The following ULK4 variants were observed in gnomAD, a reference collection of about 807,000 sequenced individuals.
The protein encoded by ULK4 is unc-51 like kinase 4.
ULK4 carries 133 observed loss-of-function variants against 160.6 expected under a neutral mutation model. The ratio of observed to expected loss-of-function variants is 0.83; its 90% CI spans 0.72 to 0.96. The LOEUF (loss-of-function observed/expected upper bound fraction) is 0.96, where lower values mean the gene tolerates loss of function less well. Among genes scored for constraint, ULK4 ranks in the 40% least tolerant of loss-of-function variants. The pLI, the probability that ULK4 is intolerant of heterozygous loss-of-function variation, is 0.00. For synonymous variants in ULK4, 534 were observed against 539.8 expected (o/e 0.99, Z 0.15); for missense variants, 1,580 against 1,499.5 (o/e 1.05, Z -0.89).
chr3:41,545,584 A>G (rs1015943122), intron 32 of ULK4, among the ~76,000 whole-genome samples: 1 of 152,084 alleles, frequency 6.6e-6, no homozygotes, highest in African/African-American at 2.4e-5. Context: ...TAGGAGTTTG[A>G]CTATCGTGTG....
At chr3:41,710,139 G>A (rs1017706394) in intron 25 of ULK4, among the ~76,000 whole-genome samples, 1 of 151,922 alleles carries the variant, frequency 6.6e-6, no homozygotes, top group Non-Finnish European at 1.5e-5. Flanking sequence ...TCTAAATGCT[G>A]AAATTATTAT....
chr3:41,440,271 G>A (rs2125855725), intron 34 of ULK4, among the ~76,000 whole-genome samples: 1 of 152,244 alleles, frequency 6.6e-6, no homozygotes, highest in Non-Finnish European at 1.5e-5. Context: ...CTCTGTTTGT[G>A]TTTCAGATCT....
At chr3:41,471,501 A>G (rs771846600) in intron 32 of ULK4, among the ~76,000 whole-genome samples, 1 of 152,210 alleles carries the variant, frequency 6.6e-6, no homozygotes, top group Non-Finnish European at 1.5e-5. Flanking sequence ...ATGAACTAAC[A>G]GACATATGCA....
chr3:41,561,747 T>C (rs1366378786), intron 32 of ULK4, among the ~76,000 whole-genome samples: 1 of 152,182 alleles, frequency 6.6e-6, no homozygotes, highest in African/African-American at 2.4e-5. Flanking sequence ...TTGATTCTTC[T>C]CTCTTTTCTT....
At chr3:41,469,750 A>G in intron 32 of ULK4, among the ~76,000 whole-genome samples, 2 of 151,456 alleles carry the variant, frequency 1.3e-5, no homozygotes, top group African/African-American at 4.8e-5. Flanking sequence ...AAGCTCCAAC[A>G]ATAGACCCTA....
chr3:41,814,232 T>TC (rs1381913198), intron 19 of ULK4, among the ~76,000 whole-genome samples: 1 of 152,234 alleles, frequency 6.6e-6, no homozygotes. Flanking sequence ...GTGTAAATTT[T>TC]CATATCCCTT....
intron 32 of ULK4, among the ~76,000 whole-genome samples, chr3:41,537,607 C>T (rs2086548236): frequency 6.6e-6 from 1 of 152,150 alleles, no homozygotes; most frequent in Non-Finnish European, 1.5e-5. Context: ...TAGCCACAAC[C>T]ATTGTCCAAT....
rs1699121529 is a variant in ULK4, at chr3:41,919,726, T to C, written c.634A>G (p.Met212Val). 6.2e-7 allele frequency: 1 copy of C among 1,613,928 alleles called. No individual in the cohort carries two copies. The highest frequency in any genetic ancestry group is 8.5e-7 in the Non-Finnish European group (1 of 1,179,896). ...LWSLGCLLYE[M>V]FSGKPPFFSE... ...TTCAGGAAACAATTACCTGAAAACATTTCATAAAGCAGACAGCCCAAAGAC... is the reference window on the plus strand; with the variant it reads ...TTCAGGAAACAATTACCTGAAAACACTTCATAAAGCAGACAGCCCAAAGAC... The change falls in exon 6 of 37, where the codon ATG (methionine) becomes GTG (valine). Residue 212 changes from methionine to valine, a missense_variant. Physicochemically the swap from Met to Val is conservative, Grantham distance 21 (BLOSUM62 1). Transcript: ENST00000301831.
At chr3:41,486,655 T>C (rs2084548011) in intron 32 of ULK4, among the ~76,000 whole-genome samples, 1 of 152,192 alleles carries the variant, frequency 6.6e-6, no homozygotes, top group East Asian at 1.9e-4. Context: ...TAGTTGGTCC[T>C]GAGTTGGAAG....
intron 35 of ULK4, among the ~76,000 whole-genome samples, chr3:41,259,692 T>A (rs985171507): frequency 2.0e-5 from 3 of 152,190 alleles, no homozygotes; most frequent in Non-Finnish European, 4.4e-5. Flanking sequence ...TTTGTAAATG[T>A]TTTTTGGTGT....
At chr3:41,262,226 T>C (rs1283861289) in intron 35 of ULK4, among the ~76,000 whole-genome samples, 2 of 152,136 alleles carry the variant, frequency 1.3e-5, no homozygotes, top group Non-Finnish European at 2.9e-5. Flanking sequence ...GACATTTCCA[T>C]GAGTAGTGAG....
rs543522867 is a variant in ULK4 at position 41,835,829 on chromosome 3, G to T, written c.1764+35C>A. On this transcript the variant is annotated intron_variant, in intron 18 of 36. Coordinates refer to ENST00000301831, the MANE Select transcript of ULK4 (RefSeq NM_017886.4). ...TGTCAGCCAGAGTATGTCAGAACAT[G>T]TCAAACAGCAACAGAGTTAATCAGA... 6.1e-6 allele frequency: 9 copies of T among 1,478,246 alleles called. No individual in the cohort carries two copies. The African/African-American group carries it at 1.1e-4, about 19-fold the overall frequency. 91.6% of individuals were successfully genotyped at this position (1,478,246 alleles called of 1,614,324 possible). A position where few individuals can be genotyped will look rare whatever the true frequency, so the allele number is the denominator to read the frequency against.
chr3:41,340,351 G>A (rs1485748015), intron 35 of ULK4, among the ~76,000 whole-genome samples: 7 of 152,262 alleles, frequency 4.6e-5, no homozygotes, highest in African/African-American at 1.7e-4. Flanking sequence ...GAGAAGGTGG[G>A]AAGGGGGAGG....
intron 30 of ULK4, among the ~76,000 whole-genome samples, chr3:41,646,164 T>C (rs1330249487): frequency 6.6e-6 from 1 of 152,230 alleles, no homozygotes; most frequent in Non-Finnish European, 1.5e-5. Flanking sequence ...AGTCTGTGTC[T>C]TTTAATTGGG....
At chr3:41,383,016 G>C (rs897544926) in intron 35 of ULK4, among the ~76,000 whole-genome samples, 1 of 151,678 alleles carries the variant, frequency 6.6e-6, no homozygotes, top group African/African-American at 2.4e-5. Flanking sequence ...ATTTAGTGTA[G>C]GCTTTCATAA....
At chr3:41,603,159 A>G (rs538344586) in intron 31 of ULK4, among the ~76,000 whole-genome samples, 1 of 152,268 alleles carries the variant, frequency 6.6e-6, no homozygotes, top group Admixed American at 6.5e-5. Context: ...TAATTAAAAG[A>G]AAGCAGGTCT....
chr3:41,566,066 A>T lies in ULK4; in HGVS notation c.3185T>A (p.Val1062Asp), dbSNP rs778926591. The change falls in exon 32 of 37, where the codon GTT becomes GAT. Residue 1062 changes from valine to aspartate, a missense_variant. Val to Asp is a radical substitution (Grantham distance 152). Coordinates refer to ENST00000301831, the MANE Select transcript of ULK4 (RefSeq NM_017886.4). Reference protein sequence around the residue: ...QSVIALLSNLVACKDSNMELL... With the variant: ...QSVIALLSNLDACKDSNMELL... ...TTCCATATTCGAATCTTTGCAGGCA[A>T]CTAGATTGCTGAGTAATGCAATCAC... is the stretch of plus-strand genomic sequence containing the variant. The T allele has an allele frequency of 6.8e-6, 11 of 1,613,840 alleles. No homozygotes were observed. The highest frequency in any genetic ancestry group is 3.3e-5 in the Admixed American group (2 of 59,966).
At chr3:41,801,933 C>A (rs1393039730) in intron 19 of ULK4, among the ~76,000 whole-genome samples, 1 of 150,306 alleles carries the variant, frequency 6.7e-6, no homozygotes, top group Admixed American at 6.6e-5. Flanking sequence ...CAGAGAGGAA[C>A]AATGATAAGG....
Position 41,907,848 on chromosome 3 carries a change from G to C in ULK4, c.1179C>G (p.Thr393=), listed in dbSNP as rs781413549. 6.4e-7 allele frequency: 1 copy of C among 1,572,148 alleles called. No individual in the cohort carries two copies. The highest frequency in any genetic ancestry group is 1.4e-5 in the African/African-American group (1 of 72,638). The change falls in exon 12 of 37, where the codon ACC becomes ACG. Residue 393 remains threonine, a synonymous_variant. Coordinates refer to ENST00000301831, the MANE Select transcript of ULK4 (RefSeq NM_017886.4). The part of the protein sequence containing the change: ...HCSPQKTSPL[T]KITSGHLSQQ... ...AAAATTTCCCAAGTCTGCTCACCTT[G>C]GTCAGAGGAGAAGTCTTCTGTGGTG... is the stretch of plus-strand genomic sequence containing the variant.
Sources: gnomAD v4.1 joint callset for allele counts (sites outside exome capture counted in the v4.1 genomes callset) on GRCh38, gnomAD v4.1.1 for gene constraint, MANE v1.5 for transcripts, NCBI Gene and HGNC (gene_info 2026-07-23, HGNC 2026-07-21) for gene names.